The following ALCAM variants were observed in gnomAD, a reference collection of about 807,000 sequenced individuals.
ALCAM encodes the protein activated leukocyte cell adhesion molecule.
In ALCAM, 30 loss-of-function variants were observed where a neutral mutation model predicts 70.9. The ratio of observed to expected loss-of-function variants is 0.42; its 90% CI spans 0.32 to 0.57. The LOEUF is 0.57. ALCAM is among the 20% of genes least tolerant of loss of function. ALCAM has a pLI of 0.11. For missense variants in ALCAM, 591 were observed against 695.1 expected, an observed-to-expected ratio of 0.85 and a Z score of 1.68; for synonymous variants, 249 against 242.5, an observed-to-expected ratio of 1.03 and a Z score of -0.25.
At chr3:105,508,072 A>G (rs1447306089) in intron 1 of ALCAM, among the ~76,000 whole-genome samples, 1 of 152,156 alleles carries the variant, frequency 6.6e-6, no homozygotes, top group African/African-American at 2.4e-5. Flanking sequence ...GCTGCCACGG[A>G]CAGGACTTGT....
At chr3:105,473,244 T>C (rs1285195777) in intron 1 of ALCAM, among the ~76,000 whole-genome samples, 2 of 151,572 alleles carry the variant, frequency 1.3e-5, no homozygotes, top group Non-Finnish European at 3.0e-5. Flanking sequence ...GAGTTTTAAT[T>C]TGCAGTTCAA....
At chr3:105,536,103 T>G (rs566817634) in intron 6 of ALCAM, among the ~76,000 whole-genome samples, 2 of 151,702 alleles carry the variant, frequency 1.3e-5, no homozygotes, top group East Asian at 3.9e-4. Flanking sequence ...CTTTTTTTTT[T>G]TTTTGTGTGA....
intron 14 of ALCAM, 63 bp downstream of exon 14, chr3:105,552,648 CTA>C (rs1940437819): frequency 1.2e-6 from 2 of 1,607,914 alleles, no homozygotes; most frequent in Non-Finnish European, 1.7e-6. Flanking sequence ...ATACAATGTG[CTA>C]ATTTTGCTCA....
At chr3:105,381,916 T>C (rs1935532023) in intron 1 of ALCAM, among the ~76,000 whole-genome samples, 1 of 151,474 alleles carries the variant, frequency 6.6e-6, no homozygotes, top group Admixed American at 6.6e-5. Flanking sequence ...TATTTTACTT[T>C]ATTTTTTTAT....
At chr3:105,459,283 T>A (rs1057404306) in intron 1 of ALCAM, among the ~76,000 whole-genome samples, 6 of 152,146 alleles carry the variant, frequency 3.9e-5, no homozygotes, top group Admixed American at 6.5e-5. Flanking sequence ...CTTCTTCCCA[T>A]CCTTAGGCAG....
chr3:105,388,744 T>C (rs1173632154), intron 1 of ALCAM, among the ~76,000 whole-genome samples: 1 of 151,632 alleles, frequency 6.6e-6, no homozygotes, highest in African/African-American at 2.4e-5. Context: ...TATTTTTCTT[T>C]TAAAAAATAT....
At chr3:105,396,829 A>G (rs770584822) in intron 1 of ALCAM, among the ~76,000 whole-genome samples, 2 of 151,994 alleles carry the variant, frequency 1.3e-5, no homozygotes, top group African/African-American at 2.4e-5. Context: ...TAGCAGTTTT[A>G]TAGTTCCTTT....
chr3:105,406,641 G>T (rs141502903), intron 1 of ALCAM, among the ~76,000 whole-genome samples: 1 of 150,020 alleles, frequency 6.7e-6, no homozygotes, highest in Admixed American at 6.7e-5. Context: ...GGAACTGGAG[G>T]AACAAAAACA....
At chr3:105,514,046 A>G (rs1054883357) in intron 1 of ALCAM, among the ~76,000 whole-genome samples, 16 of 151,940 alleles carry the variant, frequency 1.1e-4, no homozygotes, top group Non-Finnish European at 2.1e-4. Context: ...ATGAGGTCAA[A>G]TGAAATTTCC....
chr3:105,469,441 C>T (rs923632453), intron 1 of ALCAM, among the ~76,000 whole-genome samples: 3 of 150,918 alleles, frequency 2.0e-5, no homozygotes, highest in African/African-American at 7.3e-5. Flanking sequence ...TTCTTTTAAA[C>T]CAGTGACACC....
chr3:105,518,878 C>T (rs1416669949), intron 1 of ALCAM, among the ~76,000 whole-genome samples: 1 of 152,026 alleles, frequency 6.6e-6, no homozygotes, highest in East Asian at 1.9e-4. Context: ...GGGCAAAATT[C>T]TTAACCTTAA....
intron 2 of ALCAM, 27 bp downstream of exon 2, chr3:105,520,194 T>C: frequency 1.4e-6 from 2 of 1,445,032 alleles, no homozygotes; most frequent in Non-Finnish European, 1.9e-6. Context: ...TGGGACTTGG[T>C]TAATTGCCCT....
At chr3:105,420,699 C>A (rs1375662991) in intron 1 of ALCAM, among the ~76,000 whole-genome samples, 1 of 151,612 alleles carries the variant, frequency 6.6e-6, no homozygotes, top group Non-Finnish European at 1.5e-5. Flanking sequence ...TTCTAAAGAT[C>A]TAGAGACAAA....
intron 1 of ALCAM, among the ~76,000 whole-genome samples, chr3:105,457,900 G>C (rs926151585): frequency 2.0e-5 from 3 of 152,076 alleles, no homozygotes; most frequent in Admixed American, 6.5e-5. Context: ...TGAAAACACT[G>C]TTCAAAAATC....
chr3:105,523,139 C>CCA (rs1939593057), intron 2 of ALCAM, among the ~76,000 whole-genome samples: 2 of 87,024 alleles, frequency 2.3e-5, no homozygotes, highest in Non-Finnish European at 2.0e-5. Flanking sequence ...GACTCCGTCT[C>CCA]AAAAAAAAAA....
intron 1 of ALCAM, among the ~76,000 whole-genome samples, chr3:105,442,267 C>T (rs1937188122): frequency 6.6e-6 from 1 of 152,002 alleles, no homozygotes; most frequent in African/African-American, 2.4e-5. Flanking sequence ...GCCCTGTTAC[C>T]TTTTAAACAT....
At chr3:105,421,002 AC>A (rs1378422855) in intron 1 of ALCAM, among the ~76,000 whole-genome samples, 1 of 151,530 alleles carries the variant, frequency 6.6e-6, no homozygotes, top group Non-Finnish European at 1.5e-5. Context: ...CTCCGGGGCA[AC>A]TTTTTTTAAG....
At chr3:105,518,138 C>A (rs1487286431) in intron 1 of ALCAM, among the ~76,000 whole-genome samples, 2 of 152,016 alleles carry the variant, frequency 1.3e-5, no homozygotes, top group African/African-American at 2.4e-5. Flanking sequence ...CTTTACCTGG[C>A]AAAGGATTCA....
chr3:105,404,232 C>T (rs1320649182), intron 1 of ALCAM, among the ~76,000 whole-genome samples: 1 of 151,942 alleles, frequency 6.6e-6, no homozygotes. Context: ...ATGAGAAGCT[C>T]AAAGAACACC....
Sources: gnomAD v4.1 joint callset for allele counts (sites outside exome capture counted in the v4.1 genomes callset) on GRCh38, gnomAD v4.1.1 for gene constraint, MANE v1.5 for transcripts, NCBI Gene and HGNC (gene_info 2026-07-23, HGNC 2026-07-21) for gene names.